The following EWSR1 variants were observed in gnomAD, a reference collection of about 807,000 sequenced individuals.
The protein encoded by EWSR1 is RNA-binding protein EWS.
A neutral mutation model predicts 92.1 loss-of-function variants in EWSR1; 14 were observed. The observed-to-expected ratio is 0.15, with a 90% CI of 0.10 to 0.24. The LOEUF is 0.24. Ranked by LOEUF, EWSR1 falls within the 10% of genes least tolerant of loss-of-function variation. The probability of loss-of-function intolerance (pLI) is 1.00; values close to 1 mark genes in which losing one functional copy is unlikely to be tolerated. For missense variants in EWSR1, 637 were observed against 870.9 expected (o/e 0.73, Z 3.38); for synonymous variants, 303 against 292.9 (o/e 1.03, Z -0.35).
intron 5 of EWSR1, 110 bp from the exon 6 acceptor site, chr22:29,282,280 A>G (rs1230564721): frequency 1.2e-6 from 1 of 803,782 alleles, no homozygotes; most frequent in Non-Finnish European, 1.9e-6. Flanking sequence ...CTTAATCATA[A>G]CATTGCTTAT....
At chr22:29,294,239 G>A (rs1003594152) in intron 11 of EWSR1, among the ~76,000 whole-genome samples, 5 of 152,124 alleles carry the variant, frequency 3.3e-5, no homozygotes, top group African/African-American at 9.7e-5. Context: ...TCTAGGTTTC[G>A]TTTATTTTCA....
intron 8 of EWSR1, 195 bp from the exon 9 acceptor site, chr22:29,291,363 ACAAT>A: frequency 1.8e-6 from 1 of 541,452 alleles, no homozygotes; most frequent in Non-Finnish European, 3.3e-6. Context: ...ACTGGTGTGT[ACAAT>A]CAGACAAGCA....
chr22:29,287,269 T>A, intron 7 of EWSR1, 135 bp downstream of exon 7: 2 of 851,680 alleles, frequency 2.3e-6, no homozygotes, highest in Admixed American at 4.4e-5. Context: ...AGTACAGTGG[T>A]GCCATCTCAG....
rs528905120 is a variant in EWSR1, at chr22:29,282,246, T to C, written c.414-144T>C. On this transcript the variant is annotated intron_variant, in intron 5 of 16. Transcript: ENST00000397938. ...TGATGTAGTTTACTTTAGGATTGTA[T>C]TTATTATTGTATTTATTTCCAGGCT... 104 of 653,008 alleles carry C rather than the reference T, an allele frequency of 1.6e-4. 2 individuals are homozygous for C. In the South Asian group the frequency reaches 2.3e-3, roughly 14 times the overall value. The allele number at this position is 653,008 out of a possible 1,614,324, so 40.5% of individuals were successfully genotyped here.
At chr22:29,276,325 T>C (rs777312015) in intron 4 of EWSR1, 10 of 229,162 alleles carry the variant, frequency 4.4e-5, no homozygotes, top group East Asian at 6.3e-5. Flanking sequence ...CAAAAACTTT[T>C]ATTGCTTGGG....
At chr22:29,299,925 C>T in intron 16 of EWSR1, 74 bp downstream of exon 16, 1 of 1,537,164 alleles carries the variant, frequency 6.5e-7, no homozygotes, top group Admixed American at 2.1e-5. Flanking sequence ...TTGGTTGGCG[C>T]AAGTCCTCAT....
chr22:29,273,743 A>G lies in EWSR1; in HGVS notation c.105A>G (p.Ala35=), dbSNP rs141206174. 1.1e-5 allele frequency: 18 copies of G among 1,611,664 alleles called. No individual in the cohort carries two copies. The highest frequency in any genetic ancestry group is 1.0e-4 in the South Asian group (9 of 90,414). Residue 35 remains alanine, a splice_region_variant and synonymous_variant, in exon 4 of 17, where the codon GCA becomes GCG. Transcript: ENST00000397938. The stretch of plus-strand genomic sequence containing the variant: ...GCATTCGTTTTTTTTTGGAGCAGGC[A>G]TATGGGCAACAAAGCTATGGAACCT... ...PTQGYAQTTQ[A]YGQQSYGTYG... is the part of the protein sequence containing the mutation.
In EWSR1 at chr22:29,284,900, A is replaced by G. The variant is rs1036834722; in HGVS notation, c.582-2023A>G. ...AATGGTGCGATCTTGGCTCACCGCAACCCTCGCCTCCCAGGTTAAAGTGAT... is the reference window on the plus strand; with the variant it reads ...AATGGTGCGATCTTGGCTCACCGCAGCCCTCGCCTCCCAGGTTAAAGTGAT... On this transcript the variant is annotated intron_variant, in intron 6 of 16. Coordinates refer to ENST00000397938, the MANE Select transcript of EWSR1 (RefSeq NM_005243.4). 2.0e-5 allele frequency among the ~76,000 whole-genome samples: 3 copies of G among 150,942 alleles called. 1 individual carries two copies. The highest frequency in any genetic ancestry group is 4.4e-5 in the Non-Finnish European group (3 of 67,992).
chr22:29,273,977 A>T (rs1287314205), intron 4 of EWSR1, 113 bp downstream of exon 4: 2 of 1,361,122 alleles, frequency 1.5e-6, no homozygotes, highest in African/African-American at 1.5e-5. Context: ...GCATCTGGGG[A>T]ATCCTTTATT....
intron 5 of EWSR1, among the ~76,000 whole-genome samples, chr22:29,279,926 A>G (rs575281184): frequency 1.3e-5 from 2 of 152,274 alleles, no homozygotes; most frequent in East Asian, 3.9e-4. Context: ...TTGATAAGTC[A>G]TCCTTTTTTT....
At chr22:29,299,027 A>AGTCAGCC in intron 14 of EWSR1, 132 bp downstream of exon 14, 1 of 1,314,940 alleles carries the variant, frequency 7.6e-7, no homozygotes, top group Non-Finnish European at 1.0e-6. Flanking sequence ...TAGGGACACT[A>AGTCAGCC]GTCAGCCATT....
Position 29,275,936 on chromosome 22 carries a change from T to G in EWSR1, c.226+2072T>G, listed in dbSNP as rs372475139. The G allele has an allele frequency of 2.9e-3, 347 of 119,872 alleles. 1 individual carries two copies. The highest frequency in any genetic ancestry group is 0.015 in the African/African-American group (258 of 16,756). The allele number at this position is 119,872 out of a possible 1,614,324, so 7.4% of individuals were successfully genotyped here. A position where few individuals can be genotyped will look rare whatever the true frequency, so the allele number is the denominator to read the frequency against. ...GGTCTTTTGTTTTTTTGTTTTTTTG[T>G]TTTTTTTTTGGTCATTAAATCATTT... On this transcript the variant is annotated intron_variant, in intron 4 of 16. Coordinates refer to ENST00000397938, the MANE Select transcript of EWSR1 (RefSeq NM_005243.4).
intron 6 of EWSR1, 31 bp from the exon 7 acceptor site, chr22:29,286,892 C>CTTTTTTT: frequency 8.3e-7 from 1 of 1,210,406 alleles, no homozygotes; most frequent in Admixed American, 2.1e-5. Flanking sequence ...TCTAAAAAAG[C>CTTTTTTT]TTTTTTTTTT....
intron 15 of EWSR1, 116 bp downstream of exon 15, chr22:29,299,447 C>G (rs956811001): frequency 8.7e-6 from 13 of 1,495,600 alleles, no homozygotes; most frequent in African/African-American, 4.2e-5. Flanking sequence ...GTTGTCGTGT[C>G]CTCATTTCTA....
intron 5 of EWSR1, among the ~76,000 whole-genome samples, chr22:29,278,661 G>A (rs2059314661): frequency 6.6e-6 from 1 of 152,014 alleles, no homozygotes; most frequent in Admixed American, 6.6e-5. Flanking sequence ...CGGCTCTGCT[G>A]AAAAATACAA....
intron 6 of EWSR1, among the ~76,000 whole-genome samples, chr22:29,284,296 A>G (rs2059851304): frequency 6.6e-6 from 1 of 151,440 alleles, no homozygotes; most frequent in South Asian, 2.1e-4. Flanking sequence ...TTCTTAACCC[A>G]TGTTTAATTA....
Position 29,299,226 on chromosome 22 carries a change from G to C in EWSR1, c.1581-8G>C, listed in dbSNP as rs773111625. The stretch of plus-strand genomic sequence containing the variant: ...TGGTGATTTCTGCTGTGATGTAATT[G>C]TATGCAGGGGTTGTGGAAACCAGAA... On this transcript the variant is annotated splice_region_variant and splice_polypyrimidine_tract_variant and intron_variant, in intron 14 of 16. Coordinates refer to ENST00000397938, the MANE Select transcript of EWSR1 (RefSeq NM_005243.4). 2 of 1,614,030 alleles carry C rather than the reference G, an allele frequency of 1.2e-6. No homozygotes were observed. The highest frequency in any genetic ancestry group is 8.5e-7 in the Non-Finnish European group (1 of 1,179,952).
chr22:29,271,336 T>C (rs1325326377), intron 1 of EWSR1, among the ~76,000 whole-genome samples: 1 of 152,224 alleles, frequency 6.6e-6, no homozygotes, highest in Non-Finnish European at 1.5e-5. Context: ...TATTTTCCGT[T>C]TGTTTTTACT....
rs777534174 is a variant in EWSR1 at position 29,287,100 on chromosome 22, A to G, written c.759A>G (p.Gln253=). ...QTGSYSQAPS[Q]YSQQSSSYGQ... ...GATCCTACAGCCAAGCTCCAAGTCA[A>G]TATAGCCAACAGAGCAGCAGCTACG... Residue 253 remains glutamine, a synonymous_variant, in exon 7 of 17, where the codon CAA becomes CAG. Transcript: ENST00000397938. 106 of 1,613,976 alleles carry G rather than the reference A, an allele frequency of 6.6e-5. No homozygotes were observed. The highest frequency in any genetic ancestry group is 7.4e-5 in the Non-Finnish European group (87 of 1,179,970).
Sources: gnomAD v4.1 joint callset for allele counts (sites outside exome capture counted in the v4.1 genomes callset) on GRCh38, gnomAD v4.1.1 for gene constraint, MANE v1.5 for transcripts, NCBI Gene and HGNC (gene_info 2026-07-23, HGNC 2026-07-21) for gene names.